Variants in MCTP1 observed in about 807,000 individuals in gnomAD.
MCTP1 encodes multiple C2 and transmembrane domain-containing protein 1.
A neutral mutation model predicts 120.6 loss-of-function variants in MCTP1; 69 were observed. That is an observed-to-expected ratio of 0.57 (90% CI 0.47 to 0.70). MCTP1 has a LOEUF of 0.70. MCTP1 is among the 30% of genes least tolerant of loss of function. The pLI is 0.00. For synonymous variants in MCTP1, 529 were observed against 493.1 expected (o/e 1.07, Z -0.96); for missense variants, 1,203 against 1,248.8 (o/e 0.96, Z 0.55).
At chr5:95,141,951 C>G (rs1389106578) in intron 1 of MCTP1, among the ~76,000 whole-genome samples, 1 of 152,148 alleles carries the variant, frequency 6.6e-6, no homozygotes, top group Non-Finnish European at 1.5e-5. Context: ...CTACCAGTTT[C>G]CACTTTCAAC....
chr5:95,033,360 C>T (rs1840640666), intron 1 of MCTP1, among the ~76,000 whole-genome samples: 1 of 151,848 alleles, frequency 6.6e-6, no homozygotes, highest in African/African-American at 2.4e-5. Context: ...CCAGCAGCAC[C>T]ACAAAAGGTA....
intron 2 of MCTP1, among the ~76,000 whole-genome samples, chr5:95,015,224 G>A (rs986938036): frequency 6.6e-6 from 1 of 151,994 alleles, no homozygotes; most frequent in Non-Finnish European, 1.5e-5. Context: ...AACCGAACCT[G>A]CAATAGCTCC....
chr5:95,273,224 G>T (rs463261), intron 1 of MCTP1, among the ~76,000 whole-genome samples: 130,592 of 152,290 alleles, frequency 0.86, 56,127 homozygotes, highest in African/African-American at 0.92. Flanking sequence ...TCAAAATAGC[G>T]AAATTATTCT....
chr5:95,040,708 G>A (rs1219592808), intron 1 of MCTP1, among the ~76,000 whole-genome samples: 2 of 152,116 alleles, frequency 1.3e-5, no homozygotes, highest in African/African-American at 2.4e-5. Context: ...TCGAGGGGTG[G>A]AAAACAGCAC....
intron 2 of MCTP1, among the ~76,000 whole-genome samples, chr5:95,008,515 T>C (rs2153652252): frequency 6.6e-6 from 1 of 152,318 alleles, no homozygotes; most frequent in Non-Finnish European, 1.5e-5. Flanking sequence ...TCAGTCATTT[T>C]GTTGATCATT....
intron 2 of MCTP1, among the ~76,000 whole-genome samples, chr5:94,973,046 G>C (rs1827257603): frequency 6.6e-6 from 1 of 152,102 alleles, no homozygotes; most frequent in African/African-American, 2.4e-5. Flanking sequence ...CTAGCCCTGT[G>C]AGTTGGGTTA....
intron 19 of MCTP1, among the ~76,000 whole-genome samples, chr5:94,715,201 C>A (rs1758639835): frequency 6.6e-6 from 1 of 151,818 alleles, no homozygotes; most frequent in Non-Finnish European, 1.5e-5. Flanking sequence ...CCCAGAATTA[C>A]CAAACCCGGA....
At chr5:95,214,773 C>A (rs1238976825) in intron 1 of MCTP1, among the ~76,000 whole-genome samples, 2 of 149,684 alleles carry the variant, frequency 1.3e-5, no homozygotes, top group Non-Finnish European at 2.9e-5. Context: ...GGACAAAAAA[C>A]CAAACACTGC....
chr5:94,864,420 G>T (rs27572), intron 17 of MCTP1, among the ~76,000 whole-genome samples: 115,167 of 151,672 alleles, frequency 0.76, 44,915 homozygotes, highest in African/African-American at 0.85. Flanking sequence ...ATCTTAAGAT[G>T]TTTCATTAAA....
intron 18 of MCTP1, among the ~76,000 whole-genome samples, chr5:94,790,181 AAAGT>A (rs1040176004): frequency 6.6e-6 from 1 of 152,216 alleles, no homozygotes; most frequent in African/African-American, 2.4e-5. Flanking sequence ...TGATGAGAGG[AAAGT>A]AAGACTCAGG....
intron 19 of MCTP1, among the ~76,000 whole-genome samples, chr5:94,715,384 A>C (rs1219665006): frequency 6.6e-6 from 1 of 151,014 alleles, no homozygotes; most frequent in Admixed American, 6.6e-5. Context: ...AAAAAAAAAA[A>C]AAAAACACCA....
chr5:95,075,691 T>G (rs1036926240), intron 1 of MCTP1, among the ~76,000 whole-genome samples: 1 of 152,216 alleles, frequency 6.6e-6, no homozygotes, highest in African/African-American at 2.4e-5. Flanking sequence ...TTTACCTTAT[T>G]TAGTTATATT....
intron 1 of MCTP1, among the ~76,000 whole-genome samples, chr5:95,226,156 A>G (rs1004969952): frequency 6.6e-6 from 1 of 151,830 alleles, no homozygotes; most frequent in African/African-American, 2.4e-5. Flanking sequence ...TTTCCTCCCA[A>G]GTCCCCAAAG....
chr5:94,707,655 G>T, intron 22 of MCTP1, 88 bp from the exon 23 acceptor site: 1 of 946,624 alleles, frequency 1.1e-6, no homozygotes, highest in East Asian at 2.4e-5. Flanking sequence ...GACGGTGCTT[G>T]GGGGAAGAAA....
intron 1 of MCTP1, among the ~76,000 whole-genome samples, chr5:95,219,658 A>C (rs982122382): frequency 2.0e-5 from 3 of 152,222 alleles, no homozygotes; most frequent in Non-Finnish European, 4.4e-5. Flanking sequence ...AGACACAGCA[A>C]CCTGAGACAA....
At chr5:95,227,064 C>T (rs931517028) in intron 1 of MCTP1, among the ~76,000 whole-genome samples, 4 of 152,068 alleles carry the variant, frequency 2.6e-5, no homozygotes, top group Non-Finnish European at 4.4e-5. Context: ...TAGACTCAGG[C>T]CCATTAAGCC....
At chr5:95,032,753 A>C (rs1840537601) in intron 1 of MCTP1, among the ~76,000 whole-genome samples, 1 of 152,110 alleles carries the variant, frequency 6.6e-6, no homozygotes, top group Non-Finnish European at 1.5e-5. Context: ...GAACTAAATG[A>C]AATTTAGAGC....
chr5:94,923,862 C>A, intron 7 of MCTP1, 100 bp downstream of exon 7: 1 of 670,128 alleles, frequency 1.5e-6, no homozygotes, highest in Non-Finnish European at 2.6e-6. Flanking sequence ...TATCTGGAAG[C>A]CTATCTTAAA....
intron 1 of MCTP1, among the ~76,000 whole-genome samples, chr5:95,171,308 G>C (rs1012535836): frequency 6.6e-6 from 1 of 152,038 alleles, no homozygotes; most frequent in Non-Finnish European, 1.5e-5. Context: ...TTCCCTTTGT[G>C]GATAACCCCA....
Sources: gnomAD v4.1 joint callset for allele counts (sites outside exome capture counted in the v4.1 genomes callset) on GRCh38, gnomAD v4.1.1 for gene constraint, MANE v1.5 for transcripts, NCBI Gene and HGNC (gene_info 2026-07-23, HGNC 2026-07-21) for gene names.